ST8SIA1: variants seen among roughly 807,000 people sequenced by gnomAD.
The protein encoded by ST8SIA1 is ST8 alpha-N-acetyl-neuraminide alpha-2,8-sialyltransferase 1.
Under a neutral mutation model 35.9 loss-of-function variants are expected in ST8SIA1, and 16 were observed. The observed-to-expected ratio is 0.45, with a 90% confidence interval of 0.30 to 0.68. The LOEUF (loss-of-function observed/expected upper bound fraction) is 0.68. Ranked by LOEUF, ST8SIA1 falls within the 30% of genes least tolerant of loss-of-function variation. ST8SIA1 has a pLI of 0.09. For synonymous variants in ST8SIA1, 170 were observed against 169.6 expected (o/e 1.00, Z -0.02); for missense variants, 383 against 453.6 (o/e 0.84, Z 1.41).
At chr12:22,214,740 AG>A (rs1257090632) in intron 4 of ST8SIA1, among the ~76,000 whole-genome samples, 1 of 152,248 alleles carries the variant, frequency 6.6e-6, no homozygotes, top group African/African-American at 2.4e-5. Context: ...AAAAATCAAA[AG>A]ATCTATAATT....
At chr12:22,249,373 C>T (rs1046824656) in intron 3 of ST8SIA1, among the ~76,000 whole-genome samples, 3 of 152,116 alleles carry the variant, frequency 2.0e-5, no homozygotes, top group Non-Finnish European at 1.5e-5. Flanking sequence ...CACCTGCCAC[C>T]ACACCCGGCT....
chr12:22,283,498 G>A (rs1013302823), intron 2 of ST8SIA1, among the ~76,000 whole-genome samples: 5 of 152,152 alleles, frequency 3.3e-5, no homozygotes, highest in Non-Finnish European at 7.3e-5. Flanking sequence ...GGGATTGGGA[G>A]CAGCTATTCT....
At chr12:22,208,043 G>A (rs1026720911) in intron 4 of ST8SIA1, among the ~76,000 whole-genome samples, 2 of 151,272 alleles carry the variant, frequency 1.3e-5, no homozygotes, top group African/African-American at 4.9e-5. Context: ...AGGAGGCTGA[G>A]GCAGAAGAAT....
At chr12:22,278,256 T>A (rs1460430675) in intron 2 of ST8SIA1, among the ~76,000 whole-genome samples, 3 of 152,238 alleles carry the variant, frequency 2.0e-5, no homozygotes, top group Non-Finnish European at 4.4e-5. Flanking sequence ...TGATTTACAT[T>A]AAATTTTATA....
In ST8SIA1 at chr12:22,255,355, G is replaced by A. The variant is rs1865717880; in HGVS notation, c.416C>T (p.Ala139Val). The change falls in exon 3 of 5, where the codon GCG (alanine) becomes GTG (valine). Residue 139 changes from alanine (A) to valine (V), a missense_variant. By Grantham distance (64) the Ala-to-Val change is moderately conservative. Coordinates refer to ENST00000396037, the MANE Select transcript of ST8SIA1 (RefSeq NM_003034.4). ...TPFQLPLKKC[A>V]VVGNGGILKK... ...CAGAATCCCACCATTTCCCACCACC[G>A]CGCATTTCTTCAATGGCAGCTGGAA... is the stretch of plus-strand genomic sequence containing the variant. The A allele has an allele frequency of 2.5e-6, 4 of 1,613,936 alleles. No homozygotes were observed. Among genetic ancestry groups the A allele is most frequent in the East Asian group, 2.2e-5 (1 of 44,882 alleles).
chr12:22,260,872 T>C (rs9919816), intron 2 of ST8SIA1, among the ~76,000 whole-genome samples: 26,418 of 132,572 alleles, frequency 0.2, 2,698 homozygotes, highest in Middle Eastern at 0.29. Flanking sequence ...TATATAGTTG[T>C]TGTTTTTTTT....
chr12:22,316,223 T>C lies in ST8SIA1; in HGVS notation c.236+17774A>G, dbSNP rs141291867. Among the ~76,000 whole-genome samples the C allele has an allele frequency of 1.9e-3, 293 of 152,144 alleles. 3 individuals are homozygous for C. Among genetic ancestry groups the C allele is most frequent in the African/African-American group, 6.8e-3 (281 of 41,512 alleles). On this transcript the variant is annotated intron_variant, in intron 1 of 4. Transcript: ENST00000396037. ...AAATATGACACAATAGCACAGAAAA[T>C]TCTGACAAAGAAACAGTGATTGGCC...
chr12:22,281,145 T>C (rs1866029987), intron 2 of ST8SIA1, among the ~76,000 whole-genome samples: 1 of 152,236 alleles, frequency 6.6e-6, no homozygotes, highest in African/African-American at 2.4e-5. Context: ...GTAAACACTT[T>C]GAGAGAAAAT....
At position 22,193,967 on chromosome 12, in the gene ST8SIA1, G is replaced by C. The variant is rs941720230; in HGVS notation, c.*7585C>G. ...AATAATATTAAAATGTGCCATAATAGAATTAAAGAGACCAAAAAGACACCT... is the reference window on the plus strand; with the variant it reads ...AATAATATTAAAATGTGCCATAATACAATTAAAGAGACCAAAAAGACACCT... On this transcript the variant is annotated 3_prime_UTR_variant, in exon 5 of 5. Transcript: ENST00000396037. The C allele has an allele frequency of 6.6e-6, 1 of 152,144 alleles. No individual in the cohort carries two copies. Among genetic ancestry groups the C allele is most frequent in the African/African-American group, 2.4e-5 (1 of 41,428 alleles). 9.4% of individuals were successfully genotyped at this position (152,144 alleles called of 1,614,324 possible). A position where few individuals can be genotyped will look rare whatever the true frequency, so the allele number is the denominator to read the frequency against.
At chr12:22,279,814 AG>A (rs1866013301) in intron 2 of ST8SIA1, among the ~76,000 whole-genome samples, 1 of 152,160 alleles carries the variant, frequency 6.6e-6, no homozygotes, top group Admixed American at 6.5e-5. Context: ...GTGTTGGGCA[AG>A]TCAAGCTTCA....
chr12:22,252,909 G>A (rs760183192), intron 3 of ST8SIA1, among the ~76,000 whole-genome samples: 2 of 152,124 alleles, frequency 1.3e-5, no homozygotes, highest in African/African-American at 2.4e-5. Flanking sequence ...ACATTTCTAC[G>A]TGTATCAAGG....
intron 1 of ST8SIA1, among the ~76,000 whole-genome samples, chr12:22,315,362 G>C (rs540010073): frequency 2.0e-4 from 31 of 152,230 alleles, no homozygotes; most frequent in African/African-American, 7.5e-4. Context: ...TAGAGCAACC[G>C]TTCTTTCTCC....
intron 2 of ST8SIA1, among the ~76,000 whole-genome samples, chr12:22,255,905 A>G (rs1381676805): frequency 6.6e-6 from 1 of 152,136 alleles, no homozygotes; most frequent in Non-Finnish European, 1.5e-5. Context: ...ATGTGAGGAG[A>G]GAAAGGGATG....
At chr12:22,217,082 C>T (rs1289085158) in intron 4 of ST8SIA1, among the ~76,000 whole-genome samples, 2 of 152,124 alleles carry the variant, frequency 1.3e-5, no homozygotes, top group Admixed American at 6.6e-5. Flanking sequence ...TTCCGAGAAA[C>T]ATCAACCTTT....
chr12:22,249,974 G>C (rs1865651518), intron 3 of ST8SIA1, among the ~76,000 whole-genome samples: 1 of 152,122 alleles, frequency 6.6e-6, no homozygotes, highest in Non-Finnish European at 1.5e-5. Flanking sequence ...GTGGCCAATG[G>C]GTAGGCTGAT....
At position 22,233,828 on chromosome 12, in the gene ST8SIA1, T is replaced by C. The variant is rs911562910; in HGVS notation, c.584+15178A>G. Among the ~76,000 whole-genome samples the C allele has an allele frequency of 2.0e-5, 3 of 152,210 alleles. No individual in the cohort carries two copies. The East Asian group carries it at 5.8e-4, about 29-fold the overall frequency. On this transcript the variant is annotated intron_variant, in intron 4 of 4. Coordinates refer to ENST00000396037, the MANE Select transcript of ST8SIA1 (RefSeq NM_003034.4). ...CGTATCAGTTCTATGTGCCTCATGG[T>C]TGTGCAGTGCTTAGTATTTTCTTTT...
intron 1 of ST8SIA1, among the ~76,000 whole-genome samples, chr12:22,290,914 T>A (rs1866166966): frequency 6.6e-6 from 1 of 152,228 alleles, no homozygotes; most frequent in African/African-American, 2.4e-5. Context: ...GAATTCCTTT[T>A]TCATATTCAT....
intron 3 of ST8SIA1, among the ~76,000 whole-genome samples, chr12:22,254,205 T>C (rs1865703890): frequency 6.6e-6 from 1 of 152,174 alleles, no homozygotes; most frequent in Non-Finnish European, 1.5e-5. Flanking sequence ...TCAAGGCTCC[T>C]TTATTTGCTC....
chr12:22,283,936 G>A (rs893932314), intron 2 of ST8SIA1, among the ~76,000 whole-genome samples: 3 of 152,206 alleles, frequency 2.0e-5, no homozygotes, highest in African/African-American at 7.2e-5. Context: ...ATGAAGTTAT[G>A]TACACCGCAT....
Sources: gnomAD v4.1 joint callset for allele counts (sites outside exome capture counted in the v4.1 genomes callset) on GRCh38, gnomAD v4.1.1 for gene constraint, MANE v1.5 for transcripts, NCBI Gene and HGNC (gene_info 2026-07-23, HGNC 2026-07-21) for gene names.